Variants in SPMIP5 observed in about 807,000 individuals in gnomAD.
SPMIP5 encodes the protein sperm-associated microtubule inner protein 5.
chr10:116,664,671 T>G, the SPMIP5 span: 1 of 1,543,722 alleles, frequency 6.5e-7, no homozygotes. Flanking sequence ...GTCCTAGTGC[T>G]GGGATGGGGA....
At chr10:116,669,429 T>A in the SPMIP5 span, among the ~76,000 whole-genome samples, 1 of 152,242 alleles carries the variant, frequency 6.6e-6, no homozygotes, top group Non-Finnish European at 1.5e-5. Flanking sequence ...GACCTGGCTG[T>A]GAGACCATGT....
At chr10:116,664,112 C>G in the SPMIP5 span, 1 of 1,613,858 alleles carries the variant, frequency 6.2e-7, no homozygotes, top group Non-Finnish European at 8.5e-7. Flanking sequence ...AGAAAGGCCA[C>G]TGCAAACATT....
At chr10:116,664,375 C>T in the SPMIP5 span, 1 of 890,924 alleles carries the variant, frequency 1.1e-6, no homozygotes, top group Non-Finnish European at 1.6e-6. Flanking sequence ...AATATATGAA[C>T]ATGGTATGTT....
At chr10:116,669,162 G>A in the SPMIP5 span, among the ~76,000 whole-genome samples, 3 of 152,114 alleles carry the variant, frequency 2.0e-5, no homozygotes, top group African/African-American at 7.2e-5. Context: ...CCCCCAAGTG[G>A]GCTGAGGCCT....
the SPMIP5 span, chr10:116,668,234 G>A: frequency 1.2e-6 from 2 of 1,608,216 alleles, no homozygotes; most frequent in African/African-American, 2.7e-5. Flanking sequence ...GCCAGGCACA[G>A]CTGCAGGGTA....
At chr10:116,662,669 G>A in the SPMIP5 span, among the ~76,000 whole-genome samples, 18 of 152,252 alleles carry the variant, frequency 1.2e-4, no homozygotes, top group Admixed American at 7.2e-4. Flanking sequence ...CTGCATACGG[G>A]TGGTTGCTGA....
the SPMIP5 span, among the ~76,000 whole-genome samples, chr10:116,663,494 A>T: frequency 6.6e-6 from 1 of 152,096 alleles, no homozygotes; most frequent in Non-Finnish European, 1.5e-5. Context: ...GGGGACTGGG[A>T]TTCTGGAAAA....
At chr10:116,665,404 C>CA in the SPMIP5 span, 34,021 of 284,664 alleles carry the variant, frequency 0.12, 264 homozygotes, top group African/African-American at 0.16. Context: ...GACTCCGTCT[C>CA]AAAAAAAAAA....
chr10:116,663,073 T>C, the SPMIP5 span, among the ~76,000 whole-genome samples: 4 of 151,464 alleles, frequency 2.6e-5, no homozygotes, highest in Non-Finnish European at 4.4e-5. Context: ...TCCCAGCTAC[T>C]TGGGAGGCTG....
chr10:116,664,478 C>T, the SPMIP5 span: 1 of 756,480 alleles, frequency 1.3e-6, no homozygotes. Flanking sequence ...GGCCTTAAGC[C>T]ACTGCCAGGA....
chr10:116,665,768 A>C, the SPMIP5 span: 4 of 1,614,124 alleles, frequency 2.5e-6, no homozygotes, highest in South Asian at 4.4e-5. Context: ...AGGTTTTCAC[A>C]CAGTGGTTCA....
chr10:116,667,870 G>A, the SPMIP5 span, among the ~76,000 whole-genome samples: 2 of 152,196 alleles, frequency 1.3e-5, no homozygotes, highest in African/African-American at 4.8e-5. Flanking sequence ...AGGAAAGGAT[G>A]GGAGCACAAG....
At chr10:116,664,467 G>T in the SPMIP5 span, 2 of 754,960 alleles carry the variant, frequency 2.6e-6, no homozygotes, top group South Asian at 4.9e-5. Context: ...CAGCACCCTT[G>T]GGCCTTAAGC....
chr10:116,669,293 ATTG>A, the SPMIP5 span, among the ~76,000 whole-genome samples: 3 of 152,058 alleles, frequency 2.0e-5, no homozygotes, highest in African/African-American at 4.8e-5. Context: ...AATGATGGGG[ATTG>A]TTAAGACAGT....
chr10:116,666,444 A>T, the SPMIP5 span, among the ~76,000 whole-genome samples: 9 of 134,636 alleles, frequency 6.7e-5, no homozygotes, highest in Non-Finnish European at 1.3e-4. Context: ...TAATATTGTC[A>T]CAATAAAACC....
At chr10:116,665,733 T>A in the SPMIP5 span, 1 of 1,614,122 alleles carries the variant, frequency 6.2e-7, no homozygotes, top group Non-Finnish European at 8.5e-7. Flanking sequence ...CAGCTGTTCT[T>A]TATAGCGCTG....
At chr10:116,665,698 T>G in the SPMIP5 span, 1 of 1,614,180 alleles carries the variant, frequency 6.2e-7, no homozygotes, top group Non-Finnish European at 8.5e-7. Context: ...TTCGGGGCAG[T>G]GGCCACTGCG....
chr10:116,664,602 TG>T, the SPMIP5 span: 1 of 1,382,822 alleles, frequency 7.2e-7, no homozygotes, highest in East Asian at 2.5e-5. Context: ...ACCTGCCTAC[TG>T]GGGAAGCCCT....
the SPMIP5 span, chr10:116,665,937 G>A: frequency 7.1e-5 from 64 of 897,380 alleles, no homozygotes; most frequent in Non-Finnish European, 3.4e-6. Flanking sequence ...TTCTTCCTCA[G>A]CCAACAGCAC....
Sources: gnomAD v4.1 joint callset for allele counts (sites outside exome capture counted in the v4.1 genomes callset) on GRCh38, gnomAD v4.1.1 for gene constraint, MANE v1.5 for transcripts, NCBI Gene and HGNC (gene_info 2026-07-23, HGNC 2026-07-21) for gene names.